Variants in CNTNAP2 observed in about 807,000 individuals in gnomAD.
The protein encoded by CNTNAP2 is contactin associated protein 2.
In CNTNAP2, 98 loss-of-function variants were observed where a neutral mutation model predicts 155.2. The observed-to-expected ratio is 0.63, with a 90% CI of 0.54 to 0.75. The LOEUF (loss-of-function observed/expected upper bound fraction) is 0.75. CNTNAP2 is among the 30% of genes least tolerant of loss of function. The pLI is 0.00. For synonymous variants in CNTNAP2, 651 were observed against 631.2 expected (o/e 1.03, Z -0.47); for missense variants, 1,727 against 1,688.1 (o/e 1.02, Z -0.40).
chr7:146,141,276 T>C (rs189530485), intron 1 of CNTNAP2, among the ~76,000 whole-genome samples: 7 of 152,322 alleles, frequency 4.6e-5, no homozygotes, highest in South Asian at 2.1e-4. Context: ...GACTACTTGA[T>C]TATGTCTTCT....
chr7:147,524,121 T>C (rs1799275395), intron 11 of CNTNAP2, among the ~76,000 whole-genome samples: 1 of 152,226 alleles, frequency 6.6e-6, no homozygotes. Flanking sequence ...GTAGCTTTGC[T>C]CCACTCACAC....
chr7:147,937,236 T>C (rs1321500854), intron 14 of CNTNAP2, among the ~76,000 whole-genome samples: 1 of 152,214 alleles, frequency 6.6e-6, no homozygotes, highest in African/African-American at 2.4e-5. Flanking sequence ...CAGCTACTTT[T>C]AGAATTTATT....
intron 8 of CNTNAP2, among the ~76,000 whole-genome samples, chr7:147,163,614 C>A (rs749171967): frequency 1.4e-5 from 2 of 145,464 alleles, no homozygotes; most frequent in African/African-American, 2.6e-5. Flanking sequence ...TTTTATATGG[C>A]TATCTTATTA....
chr7:146,326,312 C>CT (rs1223734192), intron 1 of CNTNAP2, among the ~76,000 whole-genome samples: 2 of 152,052 alleles, frequency 1.3e-5, no homozygotes, highest in African/African-American at 4.8e-5. Context: ...AATCAATAAA[C>CT]TATTCTTGTT....
chr7:147,760,350 G>A (rs10229178), intron 13 of CNTNAP2, among the ~76,000 whole-genome samples: 44,331 of 151,690 alleles, frequency 0.29, 7,498 homozygotes, highest in African/African-American at 0.46. Context: ...CCCTTTAAAC[G>A]TCAGATTTGG....
chr7:147,798,132 T>C (rs537478450), intron 13 of CNTNAP2, among the ~76,000 whole-genome samples: 2 of 152,310 alleles, frequency 1.3e-5, no homozygotes, highest in African/African-American at 4.8e-5. Flanking sequence ...GCCAAATACA[T>C]TGTTGTCACA....
chr7:147,060,237 T>G (rs1174401657), intron 4 of CNTNAP2, among the ~76,000 whole-genome samples: 1 of 152,110 alleles, frequency 6.6e-6, no homozygotes, highest in Non-Finnish European at 1.5e-5. Flanking sequence ...ATAGTACAAT[T>G]TTTCCTAAGA....
At chr7:147,414,394 A>G (rs559844309) in intron 10 of CNTNAP2, among the ~76,000 whole-genome samples, 1 of 150,238 alleles carries the variant, frequency 6.7e-6, no homozygotes, top group South Asian at 2.1e-4. Context: ...ATTGCACTCC[A>G]GTCTGGGCAA....
chr7:147,246,320 G>T (rs987735680), intron 8 of CNTNAP2, among the ~76,000 whole-genome samples: 2 of 152,020 alleles, frequency 1.3e-5, no homozygotes, highest in Admixed American at 6.6e-5. Context: ...GCCTTCAGCT[G>T]ATTGGATGAA....
chr7:147,699,050 A>G (rs1022385674), intron 13 of CNTNAP2, among the ~76,000 whole-genome samples: 9 of 152,260 alleles, frequency 5.9e-5, no homozygotes, highest in African/African-American at 1.7e-4. Context: ...AAATTTGACT[A>G]CATGTAAACA....
intron 12 of CNTNAP2, among the ~76,000 whole-genome samples, chr7:147,587,830 TTCTTTCCCCA>T (rs1800660122): frequency 6.6e-6 from 1 of 152,190 alleles, no homozygotes. Flanking sequence ...TGTGTGTTTT[TTCTTTCCCCA>T]TCATAGCATT....
chr7:148,119,173 C>G (rs1404404538), intron 16 of CNTNAP2, among the ~76,000 whole-genome samples: 2 of 152,112 alleles, frequency 1.3e-5, no homozygotes, highest in African/African-American at 4.8e-5. Flanking sequence ...AGGACGAGGC[C>G]AGGCTATGTC....
chr7:148,103,832 T>C (rs1026386693), intron 15 of CNTNAP2, among the ~76,000 whole-genome samples: 1 of 152,240 alleles, frequency 6.6e-6, no homozygotes, highest in African/African-American at 2.4e-5. Flanking sequence ...TATTTCCTTC[T>C]TCTTGAGGAT....
intron 1 of CNTNAP2, among the ~76,000 whole-genome samples, chr7:146,626,163 T>C (rs1294789257): frequency 1.3e-5 from 2 of 152,098 alleles, no homozygotes; most frequent in Non-Finnish European, 2.9e-5. Context: ...CTAAAGGCAA[T>C]AGATATTACA....
chr7:147,307,958 T>A (rs1208413607), intron 9 of CNTNAP2, among the ~76,000 whole-genome samples: 1 of 152,212 alleles, frequency 6.6e-6, no homozygotes, highest in Non-Finnish European at 1.5e-5. Flanking sequence ...GAAGATTACA[T>A]TCTAGGCCAG....
intron 14 of CNTNAP2, among the ~76,000 whole-genome samples, chr7:147,908,720 C>T (rs901572484): frequency 1.3e-5 from 2 of 152,162 alleles, no homozygotes; most frequent in Admixed American, 6.6e-5. Flanking sequence ...TGTTAAACCA[C>T]GTTTGTTGTA....
chr7:147,023,262 T>A (rs1169882932), intron 3 of CNTNAP2, among the ~76,000 whole-genome samples: 1 of 152,232 alleles, frequency 6.6e-6, no homozygotes, highest in African/African-American at 2.4e-5. Context: ...AACATTTGTT[T>A]AGAAATTTTA....
chr7:147,341,199 A>G (rs1333766072), intron 9 of CNTNAP2, among the ~76,000 whole-genome samples: 2 of 152,034 alleles, frequency 1.3e-5, no homozygotes, highest in African/African-American at 4.8e-5. Context: ...CAGAAAACCA[A>G]ACACTGCATG....
intron 8 of CNTNAP2, among the ~76,000 whole-genome samples, chr7:147,198,065 CTT>C (rs1401259248): frequency 6.6e-6 from 1 of 151,882 alleles, no homozygotes; most frequent in African/African-American, 2.4e-5. Flanking sequence ...AAATGAAAAA[CTT>C]GATTATTTCA....
Sources: allele counts gnomAD v4.1 joint callset (sites outside exome capture counted in the v4.1 genomes callset), GRCh38; gene constraint gnomAD v4.1.1; transcripts MANE v1.5; gene names NCBI Gene and HGNC (gene_info 2026-07-23, HGNC 2026-07-21).